LRCH2: variants seen among roughly 807,000 people sequenced by gnomAD.
LRCH2 encodes the protein leucine-rich repeat and calponin homology domain-containing protein 2.
In LRCH2, 38 loss-of-function variants were observed where a neutral mutation model predicts 68.9. The observed-to-expected ratio is 0.55, with a 90% CI of 0.43 to 0.72. The LOEUF is 0.72. Ranked by LOEUF, LRCH2 falls within the 30% of genes least tolerant of loss-of-function variation. The probability of loss-of-function intolerance (pLI) is 0.00; values close to 1 mark genes in which losing one functional copy is unlikely to be tolerated. For missense variants in LRCH2, 528 were observed against 572.9 expected (o/e 0.92, Z 0.80); for synonymous variants, 191 against 208.1 (o/e 0.92, Z 0.71).
At chrX:115,158,870 C>T (rs183138241) in intron 11 of LRCH2, among the ~76,000 whole-genome samples, 160 of 111,691 alleles carry the variant, frequency 1.4e-3, no homozygotes, top group African/African-American at 4.9e-3. Context: ...CTACTTATTA[C>T]GCCCCCAAAG....
intron 5 of LRCH2, among the ~76,000 whole-genome samples, chrX:115,174,085 T>C (rs1422024140): frequency 3.6e-5 from 4 of 111,344 alleles, no homozygotes; most frequent in Non-Finnish European, 7.5e-5. Flanking sequence ...ATGGATTTTT[T>C]ACAGTATGCA....
intron 5 of LRCH2, among the ~76,000 whole-genome samples, chrX:115,174,591 A>AC (rs59540810): frequency 8.2e-4 from 73 of 88,769 alleles, no homozygotes; most frequent in African/African-American, 2.8e-3. Context: ...ACACAAACAC[A>AC]CCCCCCCCCC....
intron 6 of LRCH2, 82 bp downstream of exon 6, chrX:115,170,217 G>A (rs782273893): frequency 2.3e-5 from 22 of 944,767 alleles, no homozygotes; most frequent in African/African-American, 8.1e-5. Context: ...AAATATATTC[G>A]GAACACTCAA....
At chrX:115,197,843 TCTCTCA>T (rs1254683047) in intron 1 of LRCH2, among the ~76,000 whole-genome samples, 1 of 47,609 alleles carries the variant, frequency 2.1e-5, no homozygotes, top group Non-Finnish European at 3.9e-5. Flanking sequence ...TCTCTCTCTC[TCTCTCA>T]CACACACACA....
rs940265385 is a variant in LRCH2 at position 115,112,051 on chromosome X, A to C, written c.*1165T>G. 8.9e-6 allele frequency: 1 copy of C among 112,286 alleles called. No individual in the cohort carries two copies. The highest frequency in any genetic ancestry group is 3.2e-5 in the African/African-American group (1 of 30,977). 9.3% of individuals were successfully genotyped at this position (112,286 alleles called of 1,213,427 possible). On this transcript the variant is annotated 3_prime_UTR_variant, in exon 21 of 21. Coordinates refer to ENST00000317135, the MANE Select transcript of LRCH2 (RefSeq NM_020871.4). Reference sequence around the variant, plus strand: ...TTAAAACAAGGACTTTGTGTAACACAGTATCTCATGAAAATATTTATAGAA... The same window carrying C: ...TTAAAACAAGGACTTTGTGTAACACCGTATCTCATGAAAATATTTATAGAA...
At chrX:115,155,160 T>C (rs782453354) in intron 12 of LRCH2, among the ~76,000 whole-genome samples, 1 of 109,265 alleles carries the variant, frequency 9.2e-6, no homozygotes, top group East Asian at 2.9e-4. Flanking sequence ...TTAGATTTAG[T>C]AGGTATATAA....
At chrX:115,220,697 CG>C (rs2073072691) in intron 1 of LRCH2, among the ~76,000 whole-genome samples, 1 of 111,101 alleles carries the variant, frequency 9.0e-6, no homozygotes, top group African/African-American at 3.3e-5. Context: ...CATCTACAAA[CG>C]TGATTTTCAA....
intron 5 of LRCH2, among the ~76,000 whole-genome samples, chrX:115,172,255 T>C (rs1199686224): frequency 9.0e-6 from 1 of 111,679 alleles, no homozygotes; most frequent in African/African-American, 3.3e-5. Flanking sequence ...TTAAAGAGCA[T>C]GGACTCTGCA....
chrX:115,174,522 A>G (rs2072630331), intron 5 of LRCH2, among the ~76,000 whole-genome samples: 1 of 107,718 alleles, frequency 9.3e-6, no homozygotes, highest in African/African-American at 3.4e-5. Context: ...AGTTTCATCC[A>G]TGTTGTTGCA....
chrX:115,174,595 C>A lies in LRCH2; in HGVS notation c.865-4163G>T, dbSNP rs1421468759. ...TATTTCATTACACACAAACACACCC[C>A]CCCCCCCACACACACACACACACTA... On this transcript the variant is annotated intron_variant, in intron 5 of 20. Transcript: ENST00000317135. 5.7e-5 allele frequency among the ~76,000 whole-genome samples: 5 copies of A among 87,181 alleles called. No homozygotes were observed. The East Asian group carries it at 1.4e-3, about 24-fold the overall frequency. The allele number at this position is 87,181 out of a possible 115,157, so 75.7% of individuals were successfully genotyped here. A position where few individuals can be genotyped will look rare whatever the true frequency, so the allele number is the denominator to read the frequency against.
chrX:115,125,665 A>G (rs1334773819), intron 16 of LRCH2, among the ~76,000 whole-genome samples: 2 of 94,977 alleles, frequency 2.1e-5, no homozygotes, highest in African/African-American at 7.7e-5. Context: ...GTATATATAT[A>G]CGTATATATA....
chrX:115,130,673 T>C lies in LRCH2; in HGVS notation c.1696-474A>G, dbSNP rs147119103. Among the ~76,000 whole-genome samples, 28 of 111,603 alleles carry C rather than the reference T, an allele frequency of 2.5e-4. No individual in the cohort carries two copies. The East Asian group carries it at 7.9e-3, about 31-fold the overall frequency. On this transcript the variant is annotated intron_variant, in intron 14 of 20. Transcript: ENST00000317135. ...CATTCATTATTAAGAAACCTACTGC[T>C]TTCATGTTAAAAAACACTACATTAA...
At chrX:115,142,647 T>C (rs998850321) in intron 14 of LRCH2, among the ~76,000 whole-genome samples, 1 of 111,685 alleles carries the variant, frequency 9.0e-6, no homozygotes, top group African/African-American at 3.3e-5. Flanking sequence ...AAATACAACA[T>C]AGCAAAACCT....
In LRCH2 at chrX:115,197,847, T is replaced by TCTCACA. The variant is rs782358260; in HGVS notation, c.350-9478_350-9477insTGTGAG. 3.8e-3 allele frequency among the ~76,000 whole-genome samples: 78 copies of TCTCACA among 20,556 alleles called. 3 individuals are homozygous for TCTCACA. The highest frequency in any genetic ancestry group is 0.034 in the Middle Eastern group (1 of 29). The allele number at this position is 20,556 out of a possible 115,157, so 17.9% of individuals were successfully genotyped here. A position where few individuals can be genotyped will look rare whatever the true frequency, so the allele number is the denominator to read the frequency against. On this transcript the variant is annotated intron_variant, in intron 1 of 20. Coordinates refer to ENST00000317135, the MANE Select transcript of LRCH2 (RefSeq NM_020871.4). ...CTCTCTCTCTCTCTCTCTCTCTCTCTCACACACACACACACACACACACAC... is the reference window on the plus strand; with the variant it reads ...CTCTCTCTCTCTCTCTCTCTCTCTCTCTCACACACACACACACACACACACACACAC...
Position 115,112,930 on chromosome X carries a change from T to G in LRCH2, c.*286A>C, listed in dbSNP as rs2072053828. 5.8e-6 allele frequency: 1 copy of G among 173,379 alleles called. No individual in the cohort carries two copies. Among genetic ancestry groups the G allele is most frequent in the Non-Finnish European group, 1.1e-5 (1 of 93,294 alleles). The allele number at this position is 173,379 out of a possible 1,213,427, so 14.3% of individuals were successfully genotyped here. ...TATTAAATTGAAACTACATTTTAAA[T>G]TTAGTATCAGTCTGCTTTCTGAAAA... On this transcript the variant is annotated 3_prime_UTR_variant, in exon 21 of 21. Coordinates refer to ENST00000317135, the MANE Select transcript of LRCH2 (RefSeq NM_020871.4).
At chrX:115,165,020 T>C (rs782644308) in intron 10 of LRCH2, among the ~76,000 whole-genome samples, 1 of 110,966 alleles carries the variant, frequency 9.0e-6, no homozygotes, top group East Asian at 2.8e-4. Flanking sequence ...CAAGAGACAA[T>C]ACATCTGAGT....
chrX:115,165,721 T>G, intron 8 of LRCH2, 66 bp from the exon 9 acceptor site: 1 of 944,910 alleles, frequency 1.1e-6, no homozygotes, highest in Non-Finnish European at 1.5e-6. Context: ...ACTGCTGTCC[T>G]TAGAAAAATG....
At chrX:115,231,069 A>G (rs1301019059) in intron 1 of LRCH2, among the ~76,000 whole-genome samples, 1 of 111,209 alleles carries the variant, frequency 9.0e-6, no homozygotes, top group Non-Finnish European at 1.9e-5. Flanking sequence ...GAAATGTATT[A>G]ATTTCTCCTT....
intron 14 of LRCH2, among the ~76,000 whole-genome samples, chrX:115,146,289 G>T (rs1556536083): frequency 9.0e-6 from 1 of 111,502 alleles, no homozygotes; most frequent in African/African-American, 3.3e-5. Context: ...GAGAAGGGTA[G>T]TGGGGGAGTA....
Sources: gnomAD v4.1 joint callset for allele counts (sites outside exome capture counted in the v4.1 genomes callset) on GRCh38, gnomAD v4.1.1 for gene constraint, MANE v1.5 for transcripts, NCBI Gene and HGNC (gene_info 2026-07-23, HGNC 2026-07-21) for gene names.